The following BTBD7 variants were observed in gnomAD, a reference collection of about 807,000 sequenced individuals.
BTBD7 encodes BTB domain containing 7.
A neutral mutation model predicts 99.9 loss-of-function variants in BTBD7; 38 were observed. That is an observed-to-expected ratio of 0.38 (90% CI 0.29 to 0.50). The LOEUF (loss-of-function observed/expected upper bound fraction) is 0.50. BTBD7 is among the 20% of genes least tolerant of loss of function. The pLI is 0.93. For synonymous variants in BTBD7, 520 were observed against 511.4 expected (o/e 1.02, Z -0.23); for missense variants, 1,170 against 1,394.6 (o/e 0.84, Z 2.57).
chr14:93,305,178 C>T (rs1421906912), intron 1 of BTBD7, among the ~76,000 whole-genome samples: 1 of 152,004 alleles, frequency 6.6e-6, no homozygotes, highest in Non-Finnish European at 1.5e-5. Context: ...GGTGGGGGAC[C>T]CATTACTTTA....
chr14:93,289,043 G>A (rs2052814902), intron 3 of BTBD7, among the ~76,000 whole-genome samples: 1 of 152,030 alleles, frequency 6.6e-6, no homozygotes, highest in African/African-American at 2.4e-5. Context: ...CCTGTGTTTT[G>A]TTGTGGGGGC....
chr14:93,265,456 C>T (rs1407825296), intron 3 of BTBD7, among the ~76,000 whole-genome samples: 1 of 152,232 alleles, frequency 6.6e-6, no homozygotes, highest in Admixed American at 6.5e-5. Flanking sequence ...CCTTCTCGCA[C>T]ATGTGCTAAA....
At position 93,322,513 on chromosome 14, in the gene BTBD7, A is replaced by G. The variant is rs2053281379; in HGVS notation, c.-107+10307T>C. ...ATTTTTTTAAATTCAAGAATTAGTA[A>G]GCCCACAATAAAGAACACATAAAAA... On this transcript the variant is annotated intron_variant, in intron 1 of 10. Transcript: ENST00000334746. Among the ~76,000 whole-genome samples the G allele has an allele frequency of 1.3e-5, 2 of 152,206 alleles. 1 individual carries two copies. Among genetic ancestry groups the G allele is most frequent in the South Asian group, 4.1e-4 (2 of 4,830 alleles).
rs768466886 is a variant in BTBD7, at chr14:93,294,748, G to C, written c.272C>G (p.Ser91Cys). The change falls in exon 3 of 11, where the codon TCT (serine) becomes TGT (cysteine). Residue 91 changes from serine to cysteine, a missense_variant. By Grantham distance (112) the Ser-to-Cys change is moderately radical. This residue lies in a region of BTBD7 where 359 missense variants were observed against 497.9 expected (regional missense o/e 0.72). Transcript: ENST00000334746. ...DHAKQMRELL[S>C]GWDVRDVNAL... is the part of the protein sequence containing the mutation. ...ATTGACATCTCTAACATCCCACCCA[G>C]AGAGGAGTTCTCGCATCTGCTTGGC... The C allele has an allele frequency of 9.9e-6, 16 of 1,613,804 alleles. No individual in the cohort carries two copies. The Admixed American group carries it at 2.2e-4, about 22-fold the overall frequency.
At position 93,294,223 on chromosome 14, in the gene BTBD7, T is replaced by C. The variant is rs779701441; in HGVS notation, c.797A>G (p.Asn266Ser). ...GAGCTCTTCATCTAAACAGTTCTGATTTCCACCAAAAGCTTCAACCAGTTC... is the reference window on the plus strand; with the variant it reads ...GAGCTCTTCATCTAAACAGTTCTGACTTCCACCAAAAGCTTCAACCAGTTC... ...DSELVEAFGG[N>S]QNCLDEELKA... Residue 266 changes from asparagine to serine, a missense_variant, in exon 3 of 11, where the codon AAT becomes AGT. Physicochemically the swap from Asn to Ser is conservative, Grantham distance 46 (BLOSUM62 1). Coordinates refer to ENST00000334746, the MANE Select transcript of BTBD7 (RefSeq NM_001002860.4). 144 of 1,613,728 alleles carry C rather than the reference T, an allele frequency of 8.9e-5. No homozygotes were observed. The Admixed American group carries it at 2.4e-3, about 27-fold the overall frequency.
intron 3 of BTBD7, among the ~76,000 whole-genome samples, chr14:93,269,119 C>T (rs375358581): frequency 4.6e-4 from 70 of 152,162 alleles, no homozygotes; most frequent in Admixed American, 2.0e-3. Flanking sequence ...ACTTCTCTCA[C>T]GAGCAGAAAG....
chr14:93,315,773 T>C (rs2053195368), intron 1 of BTBD7, among the ~76,000 whole-genome samples: 1 of 152,198 alleles, frequency 6.6e-6, no homozygotes, highest in Admixed American at 6.5e-5. Context: ...TAATATTTCA[T>C]TGTATGGATA....
At chr14:93,327,626 C>T (rs2053348369) in intron 1 of BTBD7, among the ~76,000 whole-genome samples, 1 of 152,110 alleles carries the variant, frequency 6.6e-6, no homozygotes, top group Non-Finnish European at 1.5e-5. Flanking sequence ...AAGGAAACTA[C>T]CTGAACATAA....
chr14:93,305,407 T>A (rs2046745113), intron 1 of BTBD7, among the ~76,000 whole-genome samples: 1 of 152,214 alleles, frequency 6.6e-6, no homozygotes, highest in Admixed American at 6.5e-5. Flanking sequence ...GTTGTGATGA[T>A]GAACAAGTTT....
Position 93,242,651 on chromosome 14 carries a change from T to C in BTBD7, c.3021A>G (p.Arg1007=), listed in dbSNP as rs2052247154. 6.2e-7 allele frequency: 1 copy of C among 1,613,738 alleles called. No homozygotes were observed. Among genetic ancestry groups the C allele is most frequent in the Admixed American group, 1.7e-5 (1 of 59,972 alleles). The change falls in exon 11 of 11, where the codon AGA becomes AGG. Residue 1007 remains arginine, a synonymous_variant. Coordinates refer to ENST00000334746, the MANE Select transcript of BTBD7 (RefSeq NM_001002860.4). Reference sequence around the variant, plus strand: ...GCCCGTCAGGGGAAAGTGGATATTCTCTCCTAGCTTCTTCCTGTTTTTTAG... The same window carrying C: ...GCCCGTCAGGGGAAAGTGGATATTCCCTCCTAGCTTCTTCCTGTTTTTTAG... The part of the protein sequence containing the change: ...TSPKKQEEAR[R]EYPLSPDGHL...
At chr14:93,290,994 T>G (rs1320614921) in intron 3 of BTBD7, among the ~76,000 whole-genome samples, 1 of 142,364 alleles carries the variant, frequency 7.0e-6, no homozygotes, top group Non-Finnish European at 1.5e-5. Context: ...CTAGTTTTTT[T>G]TTTTTTTTTT....
intron 3 of BTBD7, among the ~76,000 whole-genome samples, chr14:93,287,123 T>G (rs997267702): frequency 2.6e-5 from 4 of 151,284 alleles, no homozygotes; most frequent in African/African-American, 9.8e-5. Flanking sequence ...CAGCTACTTG[T>G]GAGGCTGAGG....
intron 1 of BTBD7, among the ~76,000 whole-genome samples, chr14:93,298,374 A>G (rs2139776890): frequency 6.6e-6 from 1 of 152,356 alleles, no homozygotes; most frequent in South Asian, 2.1e-4. Flanking sequence ...ACAGGATGCC[A>G]CAAGTGGAAA....
At chr14:93,265,013 C>T (rs1450413649) in intron 3 of BTBD7, among the ~76,000 whole-genome samples, 1 of 152,108 alleles carries the variant, frequency 6.6e-6, no homozygotes, top group African/African-American at 2.4e-5. Flanking sequence ...CACTTGAACT[C>T]GAGAGGCGGA....
At chr14:93,255,311 A>C (rs1237816670) in intron 6 of BTBD7, among the ~76,000 whole-genome samples, 1 of 151,966 alleles carries the variant, frequency 6.6e-6, no homozygotes, top group African/African-American at 2.4e-5. Context: ...ATGCCTGGCT[A>C]ATTTTTGTAT....
chr14:93,282,507 AT>A (rs1219160833), intron 3 of BTBD7, among the ~76,000 whole-genome samples: 1 of 151,738 alleles, frequency 6.6e-6, no homozygotes, highest in Non-Finnish European at 1.5e-5. Context: ...TAATTTTTGT[AT>A]TTTTAGTAGA....
At position 93,281,447 on chromosome 14, in the gene BTBD7, T is replaced by C. The variant is rs183435461; in HGVS notation, c.1162+12411A>G. Among the ~76,000 whole-genome samples the C allele has an allele frequency of 1.1e-3, 160 of 152,306 alleles. 3 individuals are homozygous for C. The highest frequency in any genetic ancestry group is 1.9e-4 in the East Asian group (1 of 5,182). On this transcript the variant is annotated intron_variant, in intron 3 of 10. Transcript: ENST00000334746. ...CCGCCTCACCTAGCCCAAAAGGTAC[T>C]TTTTGTTGACAGTAGTTATCACAGA...
intron 1 of BTBD7, among the ~76,000 whole-genome samples, chr14:93,327,173 C>G (rs11844746): frequency 0.079 from 11,947 of 152,160 alleles, 1,000 homozygotes; most frequent in African/African-American, 0.21. Flanking sequence ...AAATTAAAAA[C>G]TGGTAAAATA....
At chr14:93,318,278 A>G (rs2053229705) in intron 1 of BTBD7, among the ~76,000 whole-genome samples, 1 of 152,238 alleles carries the variant, frequency 6.6e-6, no homozygotes, top group South Asian at 2.1e-4. Context: ...GGAAATTACC[A>G]TAAAGATCAG....
Sources: allele counts gnomAD v4.1 joint callset (sites outside exome capture counted in the v4.1 genomes callset), GRCh38; gene constraint gnomAD v4.1.1; regional missense constraint gnomAD v4.1.1; transcripts MANE v1.5; gene names NCBI Gene and HGNC (gene_info 2026-07-23, HGNC 2026-07-21).